Variants in UBE2R2 observed in about 807,000 individuals in gnomAD.
UBE2R2 encodes the protein ubiquitin conjugating enzyme E2 R2.
In UBE2R2, 1 loss-of-function variant was observed where a neutral mutation model predicts 27.8. The observed-to-expected ratio is 0.04, with a 90% confidence interval of 0.01 to 0.17. The LOEUF (loss-of-function observed/expected upper bound fraction) is 0.17. UBE2R2 is among the 10% of genes least tolerant of loss of function. The pLI, the probability that UBE2R2 is intolerant of heterozygous loss-of-function variation, is 1.00. For synonymous variants in UBE2R2, 106 were observed against 113.3 expected (o/e 0.94, Z 0.41); for missense variants, 100 against 291.0 (o/e 0.34, Z 4.78).
At chr9:33,891,055 G>GTTTTTTTTTTTTTTTGT (rs776729663) in intron 2 of UBE2R2, among the ~76,000 whole-genome samples, 6 of 126,128 alleles carry the variant, frequency 4.8e-5, no homozygotes, top group East Asian at 4.6e-4. Flanking sequence ...GTGTTTTTTT[G>GTTTTTTTTTTTTTTTGT]TTTTTTTTTT....
intron 2 of UBE2R2, among the ~76,000 whole-genome samples, chr9:33,897,775 C>CTTTTTTTTTTTT (rs35277355): frequency 3.9e-5 from 5 of 127,976 alleles, no homozygotes; most frequent in Admixed American, 8.2e-5. Flanking sequence ...TTTCTTTTTT[C>CTTTTTTTTTTTT]TTTTTTTTTT....
chr9:33,836,543 G>A (rs1820617997), intron 1 of UBE2R2, among the ~76,000 whole-genome samples: 1 of 152,056 alleles, frequency 6.6e-6, no homozygotes, highest in South Asian at 2.1e-4. Context: ...ATCATTTGAG[G>A]TCAGGAGTTT....
At chr9:33,904,696 C>T (rs1016074369) in intron 3 of UBE2R2, among the ~76,000 whole-genome samples, 2 of 152,208 alleles carry the variant, frequency 1.3e-5, no homozygotes, top group Non-Finnish European at 2.9e-5. Flanking sequence ...AATCAGCCAA[C>T]TGGTGTTCAC....
At chr9:33,877,852 A>ACG (rs1821649477) in intron 1 of UBE2R2, among the ~76,000 whole-genome samples, 1 of 143,562 alleles carries the variant, frequency 7.0e-6, no homozygotes, top group African/African-American at 2.7e-5. Flanking sequence ...TCTCTCTCCC[A>ACG]CTCTCCCTCC....
chr9:33,892,564 A>G (rs1386774758), intron 2 of UBE2R2, among the ~76,000 whole-genome samples: 1 of 152,180 alleles, frequency 6.6e-6, no homozygotes, highest in Non-Finnish European at 1.5e-5. Flanking sequence ...TATATGGTAC[A>G]TTAGGCATCA....
At chr9:33,883,819 A>AT (rs200116584) in intron 1 of UBE2R2, among the ~76,000 whole-genome samples, 2,057 of 148,542 alleles carry the variant, frequency 0.014, 53 homozygotes, top group African/African-American at 0.047. Flanking sequence ...TCAGCACTTA[A>AT]TTTTTTTTTT....
chr9:33,846,436 A>G, intron 1 of UBE2R2, among the ~76,000 whole-genome samples: 1 of 152,210 alleles, frequency 6.6e-6, no homozygotes, highest in Non-Finnish European at 1.5e-5. Flanking sequence ...AATAAAGACA[A>G]TGCTTTGTCA....
chr9:33,841,640 G>A (rs188604714), intron 1 of UBE2R2, among the ~76,000 whole-genome samples: 3 of 152,054 alleles, frequency 2.0e-5, no homozygotes, highest in Admixed American at 2.0e-4. Flanking sequence ...CAGAGTTATG[G>A]GTGATATATA....
At chr9:33,857,546 C>T (rs1027757703) in intron 1 of UBE2R2, among the ~76,000 whole-genome samples, 1 of 151,968 alleles carries the variant, frequency 6.6e-6, no homozygotes, top group Non-Finnish European at 1.5e-5. Context: ...GAACTTCTGA[C>T]CTCAGGTGAT....
chr9:33,824,481 A>C (rs907818482), intron 1 of UBE2R2, among the ~76,000 whole-genome samples: 1 of 152,258 alleles, frequency 6.6e-6, no homozygotes, highest in Admixed American at 6.5e-5. Context: ...CTAAAAAAAT[A>C]CAAAAAAATT....
At chr9:33,825,670 A>G (rs1820301575) in intron 1 of UBE2R2, among the ~76,000 whole-genome samples, 1 of 152,192 alleles carries the variant, frequency 6.6e-6, no homozygotes, top group Admixed American at 6.6e-5. Flanking sequence ...CATCCAGCAA[A>G]TTAGGCTACC....
chr9:33,877,408 T>C (rs1821629857), intron 1 of UBE2R2, among the ~76,000 whole-genome samples: 1 of 151,910 alleles, frequency 6.6e-6, no homozygotes, highest in African/African-American at 2.4e-5. Context: ...GGTCTCAATC[T>C]CCTGACCTCG....
intron 1 of UBE2R2, among the ~76,000 whole-genome samples, chr9:33,860,969 T>A (rs1181272505): frequency 2.0e-5 from 3 of 150,468 alleles, no homozygotes; most frequent in Non-Finnish European, 4.4e-5. Flanking sequence ...TTTTTTGTTT[T>A]TTTTTTTGAG....
chr9:33,853,774 A>ATTTTTTTTTTTTTTTTTTTTTTTTTT (rs749498528), intron 1 of UBE2R2, among the ~76,000 whole-genome samples: 1 of 112,274 alleles, frequency 8.9e-6, no homozygotes, highest in Non-Finnish European at 1.8e-5. Context: ...CTTCCTTCCA[A>ATTTTTTTTTTTTTTTTTTTTTTTTTT]TTTTTTTTTT....
intron 4 of UBE2R2, among the ~76,000 whole-genome samples, chr9:33,914,085 T>C (rs1194121808): frequency 6.6e-6 from 1 of 152,192 alleles, no homozygotes. Context: ...AATGACCTAG[T>C]ACAGTACCTG....
At chr9:33,818,825 C>A (rs1825903513) in intron 1 of UBE2R2, 1 of 152,138 alleles carries the variant, frequency 6.6e-6, no homozygotes, top group South Asian at 2.1e-4. Context: ...TCACAGATGA[C>A]AAGTATCATC....
At position 33,817,730 on chromosome 9, in the gene UBE2R2, C is replaced by G. The variant is rs1410135834; in HGVS notation, c.-28C>G. 6.0e-6 allele frequency: 9 copies of G among 1,494,580 alleles called. No homozygotes were observed. The African/African-American group carries it at 1.3e-4, about 22-fold the overall frequency. 92.6% of individuals were successfully genotyped at this position (1,494,580 alleles called of 1,614,324 possible). A position where few individuals can be genotyped will look rare whatever the true frequency, so the allele number is the denominator to read the frequency against. On this transcript the variant is annotated 5_prime_UTR_variant, in exon 1 of 5. Transcript: ENST00000263228. ...GTGCGTGAGGACTGGGGCCCGGGCC[C>G]GGCGCCGCCGCCGCCGCCGCCGCCG...
At position 33,919,277 on chromosome 9, in the gene UBE2R2, GTGC is replaced by G. The variant is rs1284601252; in HGVS notation, c.*2043_*2045del. On this transcript the variant is annotated 3_prime_UTR_variant, in exon 5 of 5. Transcript: ENST00000263228. ...TCTTGTGGAGCCAAAGCCTCTCACA[GTGC>G]TGATTTACCTCCCCCAAAATGCCCC... 1 of 152,162 alleles carries G rather than the reference GTGC, an allele frequency of 6.6e-6. No homozygotes were observed. Among genetic ancestry groups the G allele is most frequent in the Non-Finnish European group, 1.5e-5 (1 of 68,056 alleles). The allele number at this position is 152,162 out of a possible 1,614,324, so 9.4% of individuals were successfully genotyped here. A position where few individuals can be genotyped will look rare whatever the true frequency, so the allele number is the denominator to read the frequency against.
chr9:33,860,917 A>G (rs1821216538), intron 1 of UBE2R2, among the ~76,000 whole-genome samples: 2 of 122,118 alleles, frequency 1.6e-5, no homozygotes, highest in Non-Finnish European at 3.4e-5. Context: ...CCTCCCCACA[A>G]TCGTTAACCC....
Sources: gnomAD v4.1 joint callset for allele counts (sites outside exome capture counted in the v4.1 genomes callset) on GRCh38, gnomAD v4.1.1 for gene constraint, MANE v1.5 for transcripts, NCBI Gene and HGNC (gene_info 2026-07-23, HGNC 2026-07-21) for gene names.